UTS2: variants seen among roughly 807,000 people sequenced by gnomAD.
UTS2 encodes the protein urotensin 2, also known as urotensin-2.
Under a neutral mutation model 12.6 loss-of-function variants are expected in UTS2, and 10 were observed. The ratio of observed to expected loss-of-function variants is 0.80; its 90% CI spans 0.49 to 1.35. The LOEUF (loss-of-function observed/expected upper bound fraction) is 1.35. Ranked by LOEUF, UTS2 falls within the 40% of genes most tolerant of loss-of-function variation. The probability of loss-of-function intolerance (pLI) is 0.00; values close to 1 mark genes in which losing one functional copy is unlikely to be tolerated. For missense variants in UTS2, 142 were observed against 143.2 expected (o/e 0.99, Z 0.04); for synonymous variants, 52 against 50.0 (o/e 1.04, Z -0.17).
At chr1:7,904,477 G>A in the UTS2 span, among the ~76,000 whole-genome samples, 15 of 145,760 alleles carry the variant, frequency 1.0e-4, no homozygotes, top group South Asian at 4.2e-4. Context: ...ACTCCATCTC[G>A]TAAAAAAAAA....
the UTS2 span, among the ~76,000 whole-genome samples, chr1:7,885,130 T>TCACCCATCCATCCATC: frequency 4.0e-5 from 6 of 150,322 alleles, 1 homozygote; most frequent in African/African-American, 1.5e-4. Flanking sequence ...CACCCACCTA[T>TCACCCATCCATCCATC]CATCCATCCA....
At chr1:7,866,861 T>C in the UTS2 span, among the ~76,000 whole-genome samples, 1 of 152,100 alleles carries the variant, frequency 6.6e-6, no homozygotes, top group Admixed American at 6.5e-5. The surrounding 1 kb of genome is among the most constrained non-coding windows in gnomAD (Gnocchi z 4.5). Context: ...ATTACGTAAG[T>C]TTTTTTGTTT....
Position 7,847,676 on chromosome 1 carries a change from T to C in UTS2, c.*90A>G. The C allele has an allele frequency of 9.4e-7, 1 of 1,068,072 alleles. No individual in the cohort carries two copies. Among genetic ancestry groups the C allele is most frequent in the Non-Finnish European group, 1.4e-6 (1 of 712,232 alleles). 66.2% of individuals were successfully genotyped at this position (1,068,072 alleles called of 1,614,324 possible). A position where few individuals can be genotyped will look rare whatever the true frequency, so the allele number is the denominator to read the frequency against. On this transcript the variant is annotated 3_prime_UTR_variant, in exon 4 of 4. Coordinates refer to ENST00000361696, the MANE Select transcript of UTS2 (RefSeq NM_006786.4). ...AACAGGGTGTAGTTTGCCTAGTTTTTCTCCACACTGTTTTCAAATCAAGCA... is the reference window on the plus strand; with the variant it reads ...AACAGGGTGTAGTTTGCCTAGTTTTCCTCCACACTGTTTTCAAATCAAGCA...
the UTS2 span, among the ~76,000 whole-genome samples, chr1:7,894,480 C>T: frequency 6.6e-6 from 1 of 152,076 alleles, no homozygotes. Flanking sequence ...GACCTCTTCT[C>T]TGATTTCTTA....
chr1:7,896,239 G>A, the UTS2 span, among the ~76,000 whole-genome samples: 14 of 151,774 alleles, frequency 9.2e-5, no homozygotes, highest in Non-Finnish European at 1.8e-4. Context: ...CAGATAAGTG[G>A]GGAAGGGATG....
At chr1:7,881,044 T>C in the UTS2 span, among the ~76,000 whole-genome samples, 1 of 152,116 alleles carries the variant, frequency 6.6e-6, no homozygotes, top group Non-Finnish European at 1.5e-5. Flanking sequence ...CAAAAAATCA[T>C]ATAATCATCC....
chr1:7,908,295 T>TA, the UTS2 span, among the ~76,000 whole-genome samples: 1,410 of 107,830 alleles, frequency 0.013, 11 homozygotes, highest in African/African-American at 0.014. Context: ...AGACTCCGTC[T>TA]AAAAAAAAAA....
At chr1:7,897,653 C>T in the UTS2 span, among the ~76,000 whole-genome samples, 1 of 152,250 alleles carries the variant, frequency 6.6e-6, no homozygotes, top group South Asian at 2.1e-4. Flanking sequence ...ATGGTGCGAT[C>T]TTGGCTCACC....
chr1:7,899,986 G>C, the UTS2 span, among the ~76,000 whole-genome samples: 1 of 152,216 alleles, frequency 6.6e-6, no homozygotes, highest in Non-Finnish European at 1.5e-5. Flanking sequence ...ATCGCAGAGA[G>C]AGCGAGAGTG....
the UTS2 span, among the ~76,000 whole-genome samples, chr1:7,897,266 C>T: frequency 2.0e-5 from 3 of 152,244 alleles, no homozygotes; most frequent in East Asian, 5.8e-4. Flanking sequence ...CTTCTTTTTC[C>T]TTCTGCTGAT....
chr1:7,898,467 TAG>T, the UTS2 span, among the ~76,000 whole-genome samples: 2 of 151,672 alleles, frequency 1.3e-5, no homozygotes, highest in Non-Finnish European at 2.9e-5. Context: ...GCTCAGAATA[TAG>T]AGTTTTGTTT....
chr1:7,913,125 T>G, the UTS2 span, among the ~76,000 whole-genome samples: 2 of 151,060 alleles, frequency 1.3e-5, no homozygotes, highest in Non-Finnish European at 3.0e-5. Flanking sequence ...CTCCAGGAGG[T>G]TGCCTCGGAA....
chr1:7,896,671 G>T, the UTS2 span, among the ~76,000 whole-genome samples: 1 of 151,450 alleles, frequency 6.6e-6, no homozygotes, highest in Non-Finnish European at 1.5e-5. Context: ...TGACAATTAG[G>T]TTCATCAGAA....
chr1:7,906,245 A>G, the UTS2 span, among the ~76,000 whole-genome samples: 2 of 151,824 alleles, frequency 1.3e-5, no homozygotes, highest in African/African-American at 4.8e-5. Flanking sequence ...ATGGGAATCA[A>G]TTTTTCTAAA....
chr1:7,880,639 A>G, the UTS2 span, among the ~76,000 whole-genome samples: 1 of 152,224 alleles, frequency 6.6e-6, no homozygotes, highest in African/African-American at 2.4e-5. Context: ...TGAACAGGCC[A>G]GTAACAAATA....
At chr1:7,853,663 A>G (rs1638227407), upstream of UTS2, among the ~76,000 whole-genome samples, 1 of 152,258 alleles carries the variant, frequency 6.6e-6, no homozygotes, top group Admixed American at 6.5e-5. Context: ...AAATAACTTC[A>G]TAAAGTTGAT....
chr1:7,858,098 CAG>C (rs1215932708), upstream of UTS2, among the ~76,000 whole-genome samples: 5 of 152,242 alleles, frequency 3.3e-5, no homozygotes, highest in Admixed American at 1.3e-4. Context: ...CCTGGTGACT[CAG>C]GGGGTACTTC....
intron 3 of UTS2, 25 bp from the exon 4 acceptor site, chr1:7,847,907 ACAAC>A: frequency 6.6e-7 from 1 of 1,508,772 alleles, no homozygotes; most frequent in South Asian, 1.2e-5. Context: ...ACGAACAACA[ACAAC>A]AAAAAAAAAC....
the UTS2 span, among the ~76,000 whole-genome samples, chr1:7,904,148 T>C: frequency 1.4e-4 from 21 of 152,048 alleles, 1 homozygote; most frequent in African/African-American, 5.1e-4. Flanking sequence ...TAATATAAAT[T>C]TTTATCTTAT....
Sources: gnomAD v4.1 joint callset for allele counts (sites outside exome capture counted in the v4.1 genomes callset) on GRCh38, gnomAD v4.1.1 for gene constraint, Gnocchi (gnomAD v3.1) non-coding constraint, MANE v1.5 for transcripts, NCBI Gene and HGNC (gene_info 2026-07-23, HGNC 2026-07-21) for gene names.